The following DPY19L1 variants were observed in gnomAD, a reference collection of about 807,000 sequenced individuals.
The protein encoded by DPY19L1 is dpy-19 like C-mannosyltransferase 1, also known as protein C-mannosyl-transferase DPY19L1.
A neutral mutation model predicts 96.9 loss-of-function variants in DPY19L1; 35 were observed. The ratio of observed to expected loss-of-function variants is 0.36; its 90% CI spans 0.28 to 0.48. The LOEUF (loss-of-function observed/expected upper bound fraction) is 0.48, where lower values mean the gene tolerates loss of function less well. Among genes scored for constraint, DPY19L1 ranks in the 20% least tolerant of loss-of-function variants. DPY19L1 has a pLI of 0.99. For synonymous variants in DPY19L1, 205 were observed against 252.6 expected (o/e 0.81, Z 1.79); for missense variants, 521 against 777.9 (o/e 0.67, Z 3.93).
At chr7:34,965,360 G>GA (rs1313275198) in intron 10 of DPY19L1, among the ~76,000 whole-genome samples, 29 of 152,132 alleles carry the variant, frequency 1.9e-4, no homozygotes, top group Non-Finnish European at 3.1e-4. Context: ...AAATCTGAGT[G>GA]AAAAAATGGT....
chr7:35,008,250 TC>T (rs1785612019), intron 6 of DPY19L1, among the ~76,000 whole-genome samples: 1 of 152,158 alleles, frequency 6.6e-6, no homozygotes, highest in Non-Finnish European at 1.5e-5. Context: ...CCTGCTGCAC[TC>T]CCATGCTCTC....
At chr7:34,965,355 T>G (rs1398899422) in intron 10 of DPY19L1, among the ~76,000 whole-genome samples, 1 of 152,176 alleles carries the variant, frequency 6.6e-6, no homozygotes, top group African/African-American at 2.4e-5. Context: ...AGCAGAAATC[T>G]GAGTGAAAAA....
At chr7:34,938,790 G>C (rs569980365) in intron 20 of DPY19L1, among the ~76,000 whole-genome samples, 2 of 152,014 alleles carry the variant, frequency 1.3e-5, no homozygotes, top group East Asian at 3.9e-4. Context: ...ATTTTTTAAA[G>C]TCTCAAAAAA....
At chr7:34,935,981 G>C (rs1287429404) in intron 21 of DPY19L1, among the ~76,000 whole-genome samples, 1 of 152,102 alleles carries the variant, frequency 6.6e-6, no homozygotes, top group Non-Finnish European at 1.5e-5. Context: ...ACTAGATGGA[G>C]AGTGTTGTTT....
Position 34,939,301 on chromosome 7 carries a change from G to A in DPY19L1, c.1939C>T (p.Pro647Ser). Residue 647 changes from proline to serine, a missense_variant, in exon 20 of 22, where the codon CCA becomes TCA. Coordinates refer to ENST00000638088, the MANE Select transcript of DPY19L1 (RefSeq NM_001366673.1). Reference sequence around the variant, plus strand: ...CTCAAGCCTGCGTCTTCATAATGTGGATGATTCACAATGGGCCGAAGTGCA... The same window carrying A: ...CTCAAGCCTGCGTCTTCATAATGTGAATGATTCACAATGGGCCGAAGTGCA... ...LSALRPIVNH[P>S]HYEDAGLRAR... 1 of 1,613,718 alleles carries A rather than the reference G, an allele frequency of 6.2e-7. No homozygotes were observed. The highest frequency in any genetic ancestry group is 8.5e-7 in the Non-Finnish European group (1 of 1,179,934).
intron 8 of DPY19L1, among the ~76,000 whole-genome samples, chr7:34,970,476 T>A (rs1482404514): frequency 6.6e-6 from 1 of 152,180 alleles, no homozygotes; most frequent in African/African-American, 2.4e-5. Flanking sequence ...TATATGACTA[T>A]ATCCTACTTA....
At chr7:35,001,778 C>T (rs1022902723) in intron 6 of DPY19L1, among the ~76,000 whole-genome samples, 10 of 152,056 alleles carry the variant, frequency 6.6e-5, no homozygotes, top group Admixed American at 5.9e-4. Context: ...CTAAGTTTGC[C>T]AGACATCTAA....
chr7:35,004,072 T>C (rs1347675653), intron 6 of DPY19L1, among the ~76,000 whole-genome samples: 1 of 152,204 alleles, frequency 6.6e-6, no homozygotes, highest in African/African-American at 2.4e-5. Context: ...CAGGAGCCTT[T>C]TGTTCCCTTT....
chr7:35,004,464 T>C (rs1193430649), intron 6 of DPY19L1, among the ~76,000 whole-genome samples: 4 of 152,220 alleles, frequency 2.6e-5, no homozygotes, highest in African/African-American at 9.6e-5. Flanking sequence ...TAGGATGTCA[T>C]TTCTTCTGAG....
chr7:34,947,630 C>T lies in DPY19L1; in HGVS notation c.1494G>A (p.Lys498=). The change falls in exon 15 of 22, where the codon AAG becomes AAA. Residue 498 remains lysine (K), a splice_region_variant and synonymous_variant. Transcript: ENST00000638088. ...VLVVFVAIVR[K]IISDMWGVLA... ...AAGAGCTCTTAAGTGATAGACATACCTTTCTAACAATAGCAACAAACACTA... is the reference window on the plus strand; with the variant it reads ...AAGAGCTCTTAAGTGATAGACATACTTTTCTAACAATAGCAACAAACACTA... The T allele has an allele frequency of 6.2e-7, 1 of 1,609,726 alleles. No individual in the cohort carries two copies. Among genetic ancestry groups the T allele is most frequent in the Non-Finnish European group, 8.5e-7 (1 of 1,177,732 alleles).
At chr7:34,952,734 A>G (rs1486399960) in intron 13 of DPY19L1, among the ~76,000 whole-genome samples, 1 of 152,146 alleles carries the variant, frequency 6.6e-6, no homozygotes, top group Non-Finnish European at 1.5e-5. Flanking sequence ...CTCATATATC[A>G]AAAAAATGTG....
At chr7:34,941,003 A>G (rs1301427113) in intron 18 of DPY19L1, among the ~76,000 whole-genome samples, 1 of 152,042 alleles carries the variant, frequency 6.6e-6, no homozygotes, top group Non-Finnish European at 1.5e-5. Context: ...CCACATCCAA[A>G]TAGTCCACAC....
intron 13 of DPY19L1, 149 bp from the exon 14 acceptor site, chr7:34,950,047 A>G (rs1231044240): frequency 4.1e-6 from 2 of 484,322 alleles, no homozygotes; most frequent in African/African-American, 4.1e-5. Flanking sequence ...GAAATGCTAT[A>G]TCCTCCACCT....
chr7:35,005,636 TAA>T (rs755623073), intron 6 of DPY19L1, among the ~76,000 whole-genome samples: 57 of 84,456 alleles, frequency 6.7e-4, no homozygotes, highest in African/African-American at 1.9e-3. Context: ...CTGTCTCTAC[TAA>T]AAAAAAAAAA....
At chr7:34,965,231 G>C (rs1194403592) in intron 10 of DPY19L1, among the ~76,000 whole-genome samples, 1 of 152,128 alleles carries the variant, frequency 6.6e-6, no homozygotes, top group Non-Finnish European at 1.5e-5. Flanking sequence ...GCTGGGGGGA[G>C]AGGAGAGAAC....
At chr7:34,942,743 A>T in intron 16 of DPY19L1, 104 bp from the exon 17 acceptor site, 1 of 929,490 alleles carries the variant, frequency 1.1e-6, no homozygotes, top group Non-Finnish European at 1.7e-6. Flanking sequence ...CTTCTATAAC[A>T]TTCTCTCAGG....
intron 9 of DPY19L1, among the ~76,000 whole-genome samples, chr7:34,967,907 T>C (rs1169900514): frequency 4.6e-5 from 7 of 152,174 alleles, no homozygotes; most frequent in Non-Finnish European, 8.8e-5. Flanking sequence ...GGGTGCCTGA[T>C]ATGACATAAC....
chr7:34,937,857 TAAA>T, intron 21 of DPY19L1, 134 bp downstream of exon 21: 4 of 794,580 alleles, frequency 5.0e-6, no homozygotes, highest in Non-Finnish European at 7.3e-6. Context: ...AGAGCCTGTT[TAAA>T]AAAAAAAGAA....
At chr7:34,954,667 T>G (rs755034941) in intron 13 of DPY19L1, 31 bp downstream of exon 13, 18 of 1,302,168 alleles carry the variant, frequency 1.4e-5, no homozygotes, top group Non-Finnish European at 1.9e-5. Context: ...TCTTTTCAAG[T>G]CTTTCAAATT....
Sources: gnomAD v4.1 joint callset for allele counts (sites outside exome capture counted in the v4.1 genomes callset) on GRCh38, gnomAD v4.1.1 for gene constraint, MANE v1.5 for transcripts, NCBI Gene and HGNC (gene_info 2026-07-23, HGNC 2026-07-21) for gene names.